ADGRB1: variants seen among roughly 807,000 people sequenced by gnomAD.
ADGRB1 encodes brain-specific angiogenesis inhibitor 1.
In ADGRB1, 36 loss-of-function variants were observed where a neutral mutation model predicts 175.7. The ratio of observed to expected loss-of-function variants is 0.20; its 90% confidence interval spans 0.16 to 0.27. The LOEUF (loss-of-function observed/expected upper bound fraction) is 0.27, where lower values mean the gene tolerates loss of function less well. Among genes scored for constraint, ADGRB1 ranks in the 10% least tolerant of loss-of-function variants. The probability of loss-of-function intolerance (pLI) is 1.00; values close to 1 mark genes in which losing one functional copy is unlikely to be tolerated. For synonymous variants in ADGRB1, 1,054 were observed against 979.4 expected (o/e 1.08, Z -1.42); for missense variants, 1,731 against 2,255.3 (o/e 0.77, Z 4.71).
chr8:142,469,337 GTGAA>G (rs1672532563), intron 2 of ADGRB1, among the ~76,000 whole-genome samples: 1 of 152,026 alleles, frequency 6.6e-6, no homozygotes, highest in African/African-American at 2.4e-5. Context: ...ATGCATGTGT[GTGAA>G]TGTGGGAGTG....
intron 17 of ADGRB1, among the ~76,000 whole-genome samples, chr8:142,507,206 G>A (rs1402802378): frequency 6.6e-6 from 1 of 152,224 alleles, no homozygotes; most frequent in Non-Finnish European, 1.5e-5. Context: ...TCGTGGAGGT[G>A]CAGGGAAGGG....
In ADGRB1 at chr8:142,543,022, T is replaced by A. The variant is rs1293187259; in HGVS notation, c.4413+375T>A. Among the ~76,000 whole-genome samples the A allele has an allele frequency of 6.6e-6, 1 of 152,174 alleles. No individual in the cohort carries two copies. Among genetic ancestry groups the A allele is most frequent in the Non-Finnish European group, 1.5e-5 (1 of 68,014 alleles). ...TCAGTCAGCCTGTAGGATGTTGTTT[T>A]TGGGGGAGCCCGTCCCCACAGGATA... On this transcript the variant is annotated intron_variant, in intron 28 of 30. Coordinates refer to ENST00000517894, the MANE Select transcript of ADGRB1 (RefSeq NM_001702.3). The surrounding 1 kb of genome is among the most constrained non-coding windows in gnomAD (Gnocchi z 4.4).
intron 26 of ADGRB1, 29 bp from the exon 27 acceptor site, chr8:142,539,345 C>T: frequency 6.4e-7 from 1 of 1,568,780 alleles, no homozygotes; most frequent in Middle Eastern, 1.7e-4. Flanking sequence ...CAGAGGCGCT[C>T]ACCCTGCCCT....
In ADGRB1 at chr8:142,464,085, C is replaced by CCCCCCCCA; in HGVS notation, c.-114_-113insCCCCCCCA. On this transcript the variant is annotated 5_prime_UTR_variant, in exon 2 of 31. Coordinates refer to ENST00000517894, the MANE Select transcript of ADGRB1 (RefSeq NM_001702.3). The stretch of plus-strand genomic sequence containing the variant: ...GCCCTCTCCCATCCCACCCTTGCCC[C>CCCCCCCCA]GCCTCCCTGCCCCCACCGGGCCGGC... 1 of 769,410 alleles carries CCCCCCCCA rather than the reference C, an allele frequency of 1.3e-6. No homozygotes were observed. The highest frequency in any genetic ancestry group is 1.7e-6 in the Non-Finnish European group (1 of 590,922). The allele number at this position is 769,410 out of a possible 1,614,324, so 47.7% of individuals were successfully genotyped here.
chr8:142,466,759 T>C (rs1008535690), intron 2 of ADGRB1, among the ~76,000 whole-genome samples: 1 of 151,552 alleles, frequency 6.6e-6, no homozygotes, highest in Non-Finnish European at 1.5e-5. Flanking sequence ...AGAGATGGGG[T>C]GGTGGACGGT....
At chr8:142,457,008 G>C (rs1454492940) in intron 1 of ADGRB1, among the ~76,000 whole-genome samples, 1 of 152,232 alleles carries the variant, frequency 6.6e-6, no homozygotes, top group African/African-American at 2.4e-5. Flanking sequence ...TGGAACCTCA[G>C]TGCAGCAGGG....
chr8:142,452,688 C>G (rs940053901), intron 1 of ADGRB1, among the ~76,000 whole-genome samples: 2 of 152,262 alleles, frequency 1.3e-5, no homozygotes, highest in Admixed American at 6.5e-5. Context: ...GACACAGCCG[C>G]GGGGCCTGGC....
At chr8:142,540,241 T>A (rs1845185007) in intron 27 of ADGRB1, among the ~76,000 whole-genome samples, 1 of 152,172 alleles carries the variant, frequency 6.6e-6, no homozygotes, top group African/African-American at 2.4e-5. Context: ...TGGTGCCAGT[T>A]GGGCCCCAGG....
chr8:142,520,910 C>T lies in ADGRB1; in HGVS notation c.3009C>T (p.Thr1003=). 3.7e-6 allele frequency: 6 copies of T among 1,613,254 alleles called. No homozygotes were observed. Among genetic ancestry groups the T allele is most frequent in the Non-Finnish European group, 5.1e-6 (6 of 1,179,340 alleles). ...SSNALILIGQ[T]QTRNKVVCTL... ...ATGCCCTCATCCTCATCGGGCAGAC[C>T]CAGACCCGCAACAAGGTAGGCAGCC... Residue 1003 remains threonine, a synonymous_variant, in exon 20 of 31, where the codon ACC becomes ACT. Coordinates refer to ENST00000517894, the MANE Select transcript of ADGRB1 (RefSeq NM_001702.3).
chr8:142,460,570 T>C (rs1367292263), intron 1 of ADGRB1, among the ~76,000 whole-genome samples: 3 of 152,106 alleles, frequency 2.0e-5, no homozygotes, highest in African/African-American at 7.2e-5. Flanking sequence ...CTGTGGTCCC[T>C]CCTGTGGAAC....
chr8:142,524,089 T>C (rs1844028685), intron 22 of ADGRB1, 149 bp from the exon 23 acceptor site: 5 of 804,444 alleles, frequency 6.2e-6, no homozygotes, highest in Non-Finnish European at 1.0e-5. Flanking sequence ...AAAGAGTGGG[T>C]GTGACCTGCC....
In ADGRB1 at chr8:142,493,119, G is replaced by A. The variant is rs1029762903; in HGVS notation, c.2675+2304G>A. 6.6e-5 allele frequency among the ~76,000 whole-genome samples: 10 copies of A among 151,970 alleles called. No homozygotes were observed. The highest frequency in any genetic ancestry group is 1.0e-4 in the Non-Finnish European group (7 of 67,986). ...CCCAGGCAGTCTTGTCAGGTGGAGG[G>A]TGTGGGCCCCTGGGGGGCCTGCAGA... On this transcript the variant is annotated intron_variant, in intron 17 of 30. Transcript: ENST00000517894. This position sits in a 1 kb window ranked among gnomAD's most constrained non-coding sequence, Gnocchi z 5.0.
At chr8:142,514,510 C>T (rs973645364) in intron 18 of ADGRB1, among the ~76,000 whole-genome samples, 2 of 152,206 alleles carry the variant, frequency 1.3e-5, no homozygotes, top group Non-Finnish European at 2.9e-5. Flanking sequence ...TGGCACTTGA[C>T]ATAGTCTGGC....
intron 2 of ADGRB1, 56 bp from the exon 3 acceptor site, chr8:142,475,418 G>A (rs904026558): frequency 1.5e-5 from 19 of 1,248,686 alleles, no homozygotes; most frequent in Admixed American, 3.8e-5. Flanking sequence ...TGACTTACCC[G>A]TCCAGGCCAC....
In ADGRB1 at chr8:142,456,636, C is replaced by G. The variant is rs571768354; in HGVS notation, c.-220+6532C>G. On this transcript the variant is annotated intron_variant, in intron 1 of 30. Transcript: ENST00000517894. Reference sequence around the variant, plus strand: ...AGATGCATCCTCTAGCCCCTCCTTGCACCGAGGCTGCTCACCTACTGGACA... The same window carrying G: ...AGATGCATCCTCTAGCCCCTCCTTGGACCGAGGCTGCTCACCTACTGGACA... 5.8e-4 allele frequency among the ~76,000 whole-genome samples: 88 copies of G among 152,370 alleles called. No homozygotes were observed. In the South Asian group the frequency reaches 0.018, roughly 32 times the overall value.
At chr8:142,536,622 T>A (rs761921338) in intron 25 of ADGRB1, among the ~76,000 whole-genome samples, 31 of 152,148 alleles carry the variant, frequency 2.0e-4, no homozygotes, top group Admixed American at 3.9e-4. Flanking sequence ...GCAACGACAT[T>A]GAGGCTGCTG....
intron 25 of ADGRB1, 82 bp from the exon 26 acceptor site, chr8:142,536,905 C>A (rs111953214): frequency 1.2e-4 from 152 of 1,234,788 alleles, no homozygotes; most frequent in African/African-American, 1.4e-4. Flanking sequence ...CCCGCCCCCC[C>A]ACAGGTGCTG....
intron 17 of ADGRB1, among the ~76,000 whole-genome samples, chr8:142,500,977 G>T (rs1842494180): frequency 6.6e-6 from 1 of 152,112 alleles, no homozygotes; most frequent in Admixed American, 6.5e-5. Context: ...CCTCCTGCCA[G>T]CCTGGTTCTG....
Position 142,543,640 on chromosome 8 carries a change from C to G in ADGRB1, c.4489C>G (p.Gln1497Glu). 6.4e-7 allele frequency: 1 copy of G among 1,570,628 alleles called. No homozygotes were observed. Among genetic ancestry groups the G allele is most frequent in the African/African-American group, 1.4e-5 (1 of 73,690 alleles). Reference protein sequence around the residue: ...HTRKRHQDMFQDLNRKLQHAA... With the variant: ...HTRKRHQDMFEDLNRKLQHAA... ...CCGGAAGCGGCACCAAGACATGTTCCAGGACCTGAACCGGAAGCTGCAGCA... is the reference window on the plus strand; with the variant it reads ...CCGGAAGCGGCACCAAGACATGTTCGAGGACCTGAACCGGAAGCTGCAGCA... The change falls in exon 30 of 31, where the codon CAG becomes GAG. Residue 1497 changes from glutamine (Q) to glutamate (E), a missense_variant. Physicochemically the swap from Gln to Glu is conservative, Grantham distance 29. Transcript: ENST00000517894. This position sits in a 1 kb window ranked among gnomAD's most constrained non-coding sequence, Gnocchi z 4.4.
Sources: gnomAD v4.1 joint callset for allele counts (sites outside exome capture counted in the v4.1 genomes callset) on GRCh38, gnomAD v4.1.1 for gene constraint, Gnocchi (gnomAD v3.1) non-coding constraint, MANE v1.5 for transcripts, NCBI Gene and HGNC (gene_info 2026-07-23, HGNC 2026-07-21) for gene names.